Variants in NEBL observed in about 807,000 individuals in gnomAD.
NEBL encodes LIM and SH3 protein 2.
NEBL carries 122 observed loss-of-function variants against 140.2 expected under a neutral mutation model. The observed-to-expected ratio is 0.87, with a 90% CI of 0.75 to 1.01. The LOEUF is 1.01. NEBL is among the 50% of genes least tolerant of loss of function. The pLI, the probability that NEBL is intolerant of heterozygous loss-of-function variation, is 0.00. For missense variants in NEBL, 1,365 were observed against 1,231.3 expected (o/e 1.11, Z -1.62); for synonymous variants, 436 against 398.9 (o/e 1.09, Z -1.11).
chr10:21,214,902 C>T (rs965277274), intron 3 of NEBL, among the ~76,000 whole-genome samples: 1 of 152,092 alleles, frequency 6.6e-6, no homozygotes, highest in African/African-American at 2.4e-5. Flanking sequence ...AAAGGACAGG[C>T]CCTGCTGTGT....
At chr10:21,007,175 A>C (rs1838169216) in intron 3 of NEBL, among the ~76,000 whole-genome samples, 1 of 152,106 alleles carries the variant, frequency 6.6e-6, no homozygotes, top group Non-Finnish European at 1.5e-5. Flanking sequence ...AAACACCTCT[A>C]AGTCAGGGGT....
At chr10:21,174,139 G>T in exon 1 of NEBL, 2 of 623,348 alleles carry the variant, frequency 3.2e-6, no homozygotes, top group Non-Finnish European at 4.1e-6. Flanking sequence ...ACTCGCGCCC[G>T]CCCCTCGCGC....
At chr10:21,262,880 G>A (rs537188890) in intron 1 of NEBL, among the ~76,000 whole-genome samples, 28 of 152,118 alleles carry the variant, frequency 1.8e-4, no homozygotes, top group Non-Finnish European at 3.4e-4. Flanking sequence ...TAAATAGCAC[G>A]TTTGTAGACG....
chr10:21,230,604 C>CTTT (rs1157514424), intron 3 of NEBL, among the ~76,000 whole-genome samples: 6 of 125,500 alleles, frequency 4.8e-5, no homozygotes, highest in African/African-American at 1.1e-4. Context: ...AACTGGAAAC[C>CTTT]TTTTTTTTTT....
intron 18 of NEBL, among the ~76,000 whole-genome samples, chr10:20,826,113 CT>C (rs1295315357): frequency 2.0e-5 from 3 of 152,130 alleles, no homozygotes; most frequent in Non-Finnish European, 4.4e-5. Flanking sequence ...TTTCTTCCAA[CT>C]TGTGGAGAGG....
At chr10:20,997,668 T>C (rs1204261247) in intron 3 of NEBL, among the ~76,000 whole-genome samples, 3 of 152,084 alleles carry the variant, frequency 2.0e-5, no homozygotes, top group African/African-American at 7.2e-5. Context: ...ATCTACTTTT[T>C]AAAATGTTTT....
intron 3 of NEBL, among the ~76,000 whole-genome samples, chr10:21,006,793 A>T (rs1415443547): frequency 6.6e-6 from 1 of 152,238 alleles, no homozygotes; most frequent in Non-Finnish European, 1.5e-5. Flanking sequence ...GCCAAGGATA[A>T]CAATAAGAAG....
At chr10:20,977,285 C>A (rs575260473) in intron 3 of NEBL, among the ~76,000 whole-genome samples, 10 of 152,138 alleles carry the variant, frequency 6.6e-5, no homozygotes, top group Non-Finnish European at 1.2e-4. Flanking sequence ...GAAAGTGAGG[C>A]TGTAAGGGAT....
intron 4 of NEBL, among the ~76,000 whole-genome samples, chr10:20,905,822 G>A (rs1048562473): frequency 2.0e-5 from 3 of 152,126 alleles, no homozygotes; most frequent in Non-Finnish European, 2.9e-5. Flanking sequence ...CAGCCTCCAG[G>A]ATGTCAGGGG....
chr10:20,944,608 C>G (rs1835065879), intron 4 of NEBL, among the ~76,000 whole-genome samples: 1 of 152,160 alleles, frequency 6.6e-6, no homozygotes. Flanking sequence ...TTTGCACTCT[C>G]TCACACCTGC....
intron 4 of NEBL, among the ~76,000 whole-genome samples, chr10:20,886,202 A>G (rs187141808): frequency 6.6e-6 from 1 of 152,196 alleles, no homozygotes; most frequent in East Asian, 1.9e-4. Context: ...TTTTAATAAG[A>G]TTATCTAGGT....
At chr10:21,189,272 G>A (rs933370282) in intron 3 of NEBL, among the ~76,000 whole-genome samples, 1 of 151,696 alleles carries the variant, frequency 6.6e-6, no homozygotes, top group Non-Finnish European at 1.5e-5. Flanking sequence ...GAGACACAGA[G>A]GAGGAGGCAA....
At chr10:21,222,226 G>A (rs1347047090) in intron 3 of NEBL, among the ~76,000 whole-genome samples, 3 of 151,352 alleles carry the variant, frequency 2.0e-5, no homozygotes, top group South Asian at 2.1e-4. Flanking sequence ...TGGGAGAATC[G>A]CTTAAGCCCA....
At chr10:21,093,921 C>A (rs1264084486) in intron 2 of NEBL, among the ~76,000 whole-genome samples, 3 of 152,210 alleles carry the variant, frequency 2.0e-5, no homozygotes, top group Admixed American at 2.0e-4. Flanking sequence ...ATATTTTTTG[C>A]GGGAACCAGA....
exon 1 of NEBL, chr10:21,174,035 C>A (rs1435610649): frequency 1.8e-6 from 2 of 1,137,508 alleles, no homozygotes; most frequent in South Asian, 8.5e-5. Flanking sequence ...GCCGCGCTCT[C>A]GGGCTCGCAG....
intron 26 of NEBL, among the ~76,000 whole-genome samples, chr10:20,788,414 CTGAG>C (rs1835623353): frequency 6.6e-6 from 1 of 151,948 alleles, no homozygotes; most frequent in African/African-American, 2.4e-5. Context: ...AGATTTAATT[CTGAG>C]TGTTATGAAT....
At chr10:20,914,969 A>ATTTTTTTTTTTTTTTTTTTTTTTTT (rs71390798) in intron 4 of NEBL, among the ~76,000 whole-genome samples, 4 of 111,242 alleles carry the variant, frequency 3.6e-5, no homozygotes, top group Admixed American at 1.0e-4. Context: ...AGTGGCTGGG[A>ATTTTTTTTTTTTTTTTTTTTTTTTT]TTTTTTTTTT....
intron 2 of NEBL, among the ~76,000 whole-genome samples, chr10:21,155,057 G>A (rs1310255495): frequency 6.6e-6 from 1 of 152,096 alleles, no homozygotes; most frequent in Admixed American, 6.5e-5. Context: ...AAATTAGCCA[G>A]GGGTGATGGT....
At chr10:21,109,244 C>T (rs569178492) in intron 2 of NEBL, among the ~76,000 whole-genome samples, 40 of 152,260 alleles carry the variant, frequency 2.6e-4, no homozygotes, top group African/African-American at 9.4e-4. Context: ...TTTTCTGCAT[C>T]TACTGAGAGA....
Sources: allele counts gnomAD v4.1 joint callset (sites outside exome capture counted in the v4.1 genomes callset), GRCh38; gene constraint gnomAD v4.1.1; transcripts MANE v1.5; gene names NCBI Gene and HGNC (gene_info 2026-07-23, HGNC 2026-07-21).